The following NDE1 variants were observed in gnomAD, a reference collection of about 807,000 sequenced individuals.
The protein encoded by NDE1 is nudE neurodevelopment protein 1.
A neutral mutation model predicts 43.4 loss-of-function variants in NDE1; 28 were observed. The ratio of observed to expected loss-of-function variants is 0.65; its 90% CI spans 0.48 to 0.89. The LOEUF is 0.89. NDE1 is among the 40% of genes least tolerant of loss of function. The probability of loss-of-function intolerance (pLI) is 0.00; values close to 1 mark genes in which losing one functional copy is unlikely to be tolerated. For synonymous variants in NDE1, 184 were observed against 172.0 expected, an observed-to-expected ratio of 1.07 and a Z score of -0.55; for missense variants, 441 against 434.1, an observed-to-expected ratio of 1.02 and a Z score of -0.14.
At chr16:15,709,942 C>G (rs956756204) in intron 8 of NDE1, among the ~76,000 whole-genome samples, 1 of 152,092 alleles carries the variant, frequency 6.6e-6, no homozygotes. Flanking sequence ...GGGCTTGTGT[C>G]GAGATGCGTC....
chr16:15,676,907 G>A (rs957050275), intron 3 of NDE1, among the ~76,000 whole-genome samples: 1 of 152,176 alleles, frequency 6.6e-6, no homozygotes, highest in African/African-American at 2.4e-5. Context: ...CTGATGATAT[G>A]TGTGAAGGAG....
intron 8 of NDE1, among the ~76,000 whole-genome samples, chr16:15,723,516 G>A (rs753072271): frequency 1.3e-5 from 2 of 152,174 alleles, no homozygotes; most frequent in Non-Finnish European, 2.9e-5. Flanking sequence ...ACATAGTGGT[G>A]TGCTCCTATA....
chr16:15,721,763 C>T (rs1052108522), intron 8 of NDE1: 2 of 898,354 alleles, frequency 2.2e-6, no homozygotes, highest in African/African-American at 3.3e-5. Context: ...TGTAGGTTAG[C>T]TATGGGAGTA....
chr16:15,688,021 T>G (rs931069859), intron 5 of NDE1, among the ~76,000 whole-genome samples: 35 of 151,680 alleles, frequency 2.3e-4, no homozygotes, highest in Non-Finnish European at 5.9e-5. Flanking sequence ...CAAAAACATT[T>G]AAAGATTAGC....
chr16:15,647,405 G>A (rs969640200), upstream of NDE1, among the ~76,000 whole-genome samples: 5 of 152,082 alleles, frequency 3.3e-5, no homozygotes, highest in African/African-American at 9.7e-5. Flanking sequence ...GTAAGACCTC[G>A]GACAACTCAA....
chr16:15,707,950 A>G (rs1184982828), intron 8 of NDE1, among the ~76,000 whole-genome samples: 1 of 117,922 alleles, frequency 8.5e-6, no homozygotes, highest in African/African-American at 3.4e-5. Context: ...CCAGAGCGAG[A>G]CTCCGTCTCA....
At chr16:15,687,591 C>G in intron 5 of NDE1, 80 bp downstream of exon 5, 7 of 1,360,614 alleles carry the variant, frequency 5.1e-6, no homozygotes, top group Non-Finnish European at 7.3e-6. Context: ...GCTCTCCCAG[C>G]ATTATCTTTA....
chr16:15,650,451 C>T (rs562893320), intron 1 of NDE1, among the ~76,000 whole-genome samples, 157 bp downstream of exon 1: 2 of 152,366 alleles, frequency 1.3e-5, no homozygotes, highest in African/African-American at 4.8e-5. Context: ...GCTTCCCGGC[C>T]GCCTGGACTC....
intron 3 of NDE1, among the ~76,000 whole-genome samples, chr16:15,669,604 C>T (rs928046343): frequency 6.6e-6 from 1 of 152,098 alleles, no homozygotes. Context: ...GTGTGATCTA[C>T]CCGCCTTAGC....
intron 8 of NDE1, among the ~76,000 whole-genome samples, chr16:15,707,080 C>T (rs1033321982): frequency 6.6e-6 from 1 of 152,022 alleles, no homozygotes; most frequent in African/African-American, 2.4e-5. Flanking sequence ...GCTGTGTTGC[C>T]CAGGCTGGAG....
upstream of NDE1, among the ~76,000 whole-genome samples, chr16:15,647,592 T>G (rs1419442575): frequency 6.6e-6 from 1 of 152,194 alleles, no homozygotes; most frequent in Non-Finnish European, 1.5e-5. Flanking sequence ...GCCTTAGTCA[T>G]AGCACTTATC....
intron 3 of NDE1, among the ~76,000 whole-genome samples, chr16:15,677,313 G>A (rs1453233035): frequency 1.3e-5 from 2 of 152,150 alleles, no homozygotes; most frequent in South Asian, 2.1e-4. Context: ...GCCAGGTGCA[G>A]TGGCTCACAC....
chr16:15,706,968 A>T (rs1375988976), intron 8 of NDE1, among the ~76,000 whole-genome samples: 7 of 152,296 alleles, frequency 4.6e-5, no homozygotes, highest in Middle Eastern at 3.4e-3. Flanking sequence ...ACCAAGGTTG[A>T]CACCAACTAT....
chr16:15,714,957 C>G (rs2040038086), intron 8 of NDE1: 1 of 1,614,024 alleles, frequency 6.2e-7, no homozygotes, highest in Non-Finnish European at 8.5e-7. Flanking sequence ...GGCCTCGTTG[C>G]TCTCCGTGGC....
At position 15,708,700 on chromosome 16, in the gene NDE1, A is replaced by G. The variant is rs531535087; in HGVS notation, c.947+11840A>G. On this transcript the variant is annotated intron_variant, in intron 8 of 8. Transcript: ENST00000396354. ...CCAGATTTTGCAAGAATCTCGTGGA[A>G]ATGTGCAAGGGTTTAAAAATTGGGG... 1.8e-5 allele frequency: 23 copies of G among 1,252,972 alleles called. No individual in the cohort carries two copies. The South Asian group carries it at 2.9e-4, about 16-fold the overall frequency. The allele number at this position is 1,252,972 out of a possible 1,614,324, so 77.6% of individuals were successfully genotyped here. A position where few individuals can be genotyped will look rare whatever the true frequency, so the allele number is the denominator to read the frequency against.
chr16:15,675,916 C>CAGGT (rs2037846735), intron 3 of NDE1, among the ~76,000 whole-genome samples: 1 of 152,106 alleles, frequency 6.6e-6, no homozygotes, highest in African/African-American at 2.4e-5. Flanking sequence ...CTGGGCTAGT[C>CAGGT]AGGTCACTGA....
intron 4 of NDE1, among the ~76,000 whole-genome samples, chr16:15,685,702 A>T (rs1193992145): frequency 6.6e-6 from 1 of 152,144 alleles, no homozygotes; most frequent in Non-Finnish European, 1.5e-5. Context: ...TGCAGTTATT[A>T]ATTTGGTGAT....
intron 8 of NDE1, chr16:15,711,286 A>T (rs946248386): frequency 6.6e-6 from 1 of 152,184 alleles, no homozygotes; most frequent in East Asian, 1.9e-4. Flanking sequence ...GGGCCCTGAG[A>T]AAGTCATTTC....
At chr16:15,664,093 TA>T (rs2037180645) in intron 1 of NDE1, among the ~76,000 whole-genome samples, 2 of 151,880 alleles carry the variant, frequency 1.3e-5, no homozygotes, top group Non-Finnish European at 1.5e-5. Context: ...ATTATTATTT[TA>T]TGCGTAATTT....
Sources: allele counts gnomAD v4.1 joint callset (sites outside exome capture counted in the v4.1 genomes callset), GRCh38; gene constraint gnomAD v4.1.1; transcripts MANE v1.5; gene names NCBI Gene and HGNC (gene_info 2026-07-23, HGNC 2026-07-21).